ABCA8: variants seen among roughly 807,000 people sequenced by gnomAD.
ABCA8 encodes the protein ATP binding cassette subfamily A member 8.
In ABCA8, 177 loss-of-function variants were observed where a neutral mutation model predicts 192.3. That is an observed-to-expected ratio of 0.92 (90% CI 0.81 to 1.04). The LOEUF (loss-of-function observed/expected upper bound fraction) is 1.04. ABCA8 is among the 50% of genes least tolerant of loss of function. The pLI is 0.00. For missense variants in ABCA8, 1,915 were observed against 1,904.8 expected (o/e 1.01, Z -0.10); for synonymous variants, 642 against 690.2 (o/e 0.93, Z 1.09).
At position 68,881,904 on chromosome 17, in the gene ABCA8, T is replaced by C. The variant is rs975168881; in HGVS notation, c.3905A>G (p.Asn1302Ser). The C allele has an allele frequency of 5.0e-6, 8 of 1,614,046 alleles. No individual in the cohort carries two copies. Among genetic ancestry groups the C allele is most frequent in the Non-Finnish European group, 6.8e-6 (8 of 1,179,984 alleles). The change falls in exon 31 of 40, where the codon AAT becomes AGT. Residue 1302 changes from asparagine (N) to serine (S), a missense_variant. Transcript: ENST00000586539. ...GGAGACATTTCTCGTGGCTATCTTA[T>C]TCTTCCTCTTGGAAAAACAGCCTTT... ...KRKGCFSKRK[N>S]KIATRNVSFC...
intron 32 of ABCA8, chr17:68,880,016 C>T (rs1022921566): frequency 8.5e-5 from 13 of 152,172 alleles, no homozygotes; most frequent in African/African-American, 2.9e-4. Context: ...AAGCCACCTT[C>T]AAGCTTCAGG....
At chr17:68,912,520 T>A (rs1047007097) in intron 17 of ABCA8, among the ~76,000 whole-genome samples, 5 of 151,962 alleles carry the variant, frequency 3.3e-5, no homozygotes. Context: ...GAGATAAAGA[T>A]AGAAAGTTTA....
At chr17:68,942,304 C>T (rs753118376) in intron 2 of ABCA8, among the ~76,000 whole-genome samples, 3 of 152,148 alleles carry the variant, frequency 2.0e-5, no homozygotes, top group Admixed American at 6.5e-5. Context: ...TCTGCATAGC[C>T]TGCTCTATAA....
At chr17:68,922,742 A>G (rs561914639) in intron 11 of ABCA8, among the ~76,000 whole-genome samples, 11 of 152,292 alleles carry the variant, frequency 7.2e-5, no homozygotes, top group African/African-American at 2.6e-4. Context: ...TTCATTAAGA[A>G]CTACAGTAAG....
intron 16 of ABCA8, among the ~76,000 whole-genome samples, chr17:68,917,700 A>T (rs2067411113): frequency 6.6e-6 from 1 of 152,232 alleles, no homozygotes; most frequent in Non-Finnish European, 1.5e-5. Flanking sequence ...TTATCCCATT[A>T]TATATTTTAA....
chr17:68,915,116 C>G (rs1024857636), intron 17 of ABCA8, among the ~76,000 whole-genome samples: 1 of 152,108 alleles, frequency 6.6e-6, no homozygotes, highest in African/African-American at 2.4e-5. Context: ...CTATCTGTCA[C>G]TGTTTACAAA....
At chr17:68,919,102 T>C (rs1216525868) in intron 14 of ABCA8, among the ~76,000 whole-genome samples, 199 bp downstream of exon 14, 1 of 151,148 alleles carries the variant, frequency 6.6e-6, no homozygotes, top group Non-Finnish European at 1.5e-5. Flanking sequence ...GAGGAATAAA[T>C]GATTTATTAG....
chr17:68,926,364 G>A (rs140466233), intron 10 of ABCA8, among the ~76,000 whole-genome samples: 143 of 152,106 alleles, frequency 9.4e-4, no homozygotes, highest in African/African-American at 3.3e-3. Flanking sequence ...AAGGAGAAAA[G>A]GAAGAATTAG....
intron 28 of ABCA8, 113 bp downstream of exon 28, chr17:68,884,218 C>T: frequency 5.1e-6 from 5 of 979,906 alleles, no homozygotes; most frequent in Non-Finnish European, 5.7e-6. Flanking sequence ...TCTCCTTGGG[C>T]TATAGATACC....
chr17:68,913,387 T>C (rs547668967), intron 17 of ABCA8, among the ~76,000 whole-genome samples: 1 of 149,762 alleles, frequency 6.7e-6, no homozygotes, highest in African/African-American at 2.5e-5. Context: ...ATAAAAGAAA[T>C]AATAAACATC....
intron 27 of ABCA8, chr17:68,884,885 C>T (rs2143317239): frequency 1.0e-6 from 1 of 977,718 alleles, no homozygotes; most frequent in South Asian, 4.7e-5. Flanking sequence ...AGATTAGGGA[C>T]ATTTCATTTG....
chr17:68,935,504 T>C (rs1224309685), intron 5 of ABCA8, among the ~76,000 whole-genome samples: 1 of 146,406 alleles, frequency 6.8e-6, no homozygotes, highest in African/African-American at 2.5e-5. Flanking sequence ...TCTAGTCAAA[T>C]TTATCAATAT....
chr17:68,870,471 T>G (rs1048586765), intron 37 of ABCA8, among the ~76,000 whole-genome samples: 12 of 152,232 alleles, frequency 7.9e-5, no homozygotes, highest in Admixed American at 5.9e-4. Flanking sequence ...TAAAGCTTAT[T>G]CATCTTGCTT....
In ABCA8 at chr17:68,902,709, T is replaced by G. The variant is rs1598226734; in HGVS notation, c.2764+4A>C. On this transcript the variant is annotated splice_donor_region_variant and intron_variant, in intron 21 of 39. Transcript: ENST00000586539. ...ATTTGGAAATCAAGTATCCACCATT[T>G]TACCTGTTTTATTGATGATCAGTAG... 1.2e-6 allele frequency: 2 copies of G among 1,610,354 alleles called. No homozygotes were observed. The highest frequency in any genetic ancestry group is 2.2e-5 in the East Asian group (1 of 44,826).
In ABCA8 at chr17:68,877,758, G is replaced by A. The variant is rs149054669; in HGVS notation, c.4039-79C>T. ...ATTTCCATGACATCATTCTCTTCACGAACCTAGAAAAACTAGAGAAACTCT... is the reference window on the plus strand; with the variant it reads ...ATTTCCATGACATCATTCTCTTCACAAACCTAGAAAAACTAGAGAAACTCT... On this transcript the variant is annotated intron_variant, in intron 32 of 39. Transcript: ENST00000586539. The A allele has an allele frequency of 6.7e-4, 953 of 1,420,958 alleles. 1 individual carries two copies. The highest frequency in any genetic ancestry group is 8.5e-4 in the African/African-American group (59 of 69,662). 88.0% of individuals were successfully genotyped at this position (1,420,958 alleles called of 1,614,324 possible).
intron 21 of ABCA8, among the ~76,000 whole-genome samples, chr17:68,898,399 A>G (rs2066821497): frequency 6.6e-6 from 1 of 152,176 alleles, no homozygotes; most frequent in Non-Finnish European, 1.5e-5. Flanking sequence ...TGAAGGTAGA[A>G]TAGAACTTTT....
chr17:68,901,363 A>G (rs189509996), intron 21 of ABCA8, among the ~76,000 whole-genome samples: 1 of 152,356 alleles, frequency 6.6e-6, no homozygotes, highest in Non-Finnish European at 1.5e-5. Flanking sequence ...TTGACGAGTT[A>G]TCACACGAAA....
chr17:68,896,806 A>G (rs1485132966), intron 21 of ABCA8, among the ~76,000 whole-genome samples: 1 of 152,154 alleles, frequency 6.6e-6, no homozygotes, highest in Non-Finnish European at 1.5e-5. Context: ...CAATAAAAAA[A>G]TTGTATGCTG....
At chr17:68,886,869 A>C (rs2066473913) in intron 26 of ABCA8, 148 bp downstream of exon 26, 4 of 406,146 alleles carry the variant, frequency 9.8e-6, no homozygotes, top group Non-Finnish European at 1.7e-5. Flanking sequence ...AGTAATTTCT[A>C]GTTTTGACCA....
Sources: gnomAD v4.1 joint callset for allele counts (sites outside exome capture counted in the v4.1 genomes callset) on GRCh38, gnomAD v4.1.1 for gene constraint, MANE v1.5 for transcripts, NCBI Gene and HGNC (gene_info 2026-07-23, HGNC 2026-07-21) for gene names.